The following TMEM209 variants were observed in gnomAD, a reference collection of about 807,000 sequenced individuals.
TMEM209 encodes testicular tissue protein Li 202.
In TMEM209, 65 loss-of-function variants were observed where a neutral mutation model predicts 76.2. The observed-to-expected ratio is 0.85, with a 90% CI of 0.70 to 1.05. TMEM209 has a LOEUF of 1.05. TMEM209 is among the 50% of genes least tolerant of loss of function. The probability of loss-of-function intolerance (pLI) is 0.00; values close to 1 mark genes in which losing one functional copy is unlikely to be tolerated. For missense variants in TMEM209, 623 were observed against 685.5 expected (o/e 0.91, Z 1.02); for synonymous variants, 239 against 237.6 (o/e 1.01, Z -0.06).
chr7:130,173,700 A>G lies in TMEM209; in HGVS notation c.1489T>C (p.Tyr497His), dbSNP rs1395038175. Residue 497 changes from tyrosine to histidine, a missense_variant, in exon 13 of 15, where the codon TAT (tyrosine) becomes CAT (histidine). Coordinates refer to ENST00000397622, the MANE Select transcript of TMEM209 (RefSeq NM_032842.4). ...TGGGGAGGGTTGATAGCACTCTGAT[A>G]AATGCAAAAAACATTCTCATTTGTA... Reference protein sequence around the residue: ...DVTNENVFCIYQSAINPPHYE... With the variant: ...DVTNENVFCIHQSAINPPHYE... 8.1e-6 allele frequency: 13 copies of G among 1,613,926 alleles called. No homozygotes were observed. The African/African-American group carries it at 9.3e-5, about 12-fold the overall frequency.
intron 6 of TMEM209, among the ~76,000 whole-genome samples, chr7:130,191,811 T>C (rs1797805747): frequency 6.6e-6 from 1 of 152,244 alleles, no homozygotes; most frequent in Non-Finnish European, 1.5e-5. Context: ...TATTATACTC[T>C]GTATTAAAGT....
intron 6 of TMEM209, 35 bp downstream of exon 6, chr7:130,192,587 A>G: frequency 1.3e-6 from 2 of 1,565,934 alleles, no homozygotes; most frequent in South Asian, 1.1e-5. Context: ...GACACCAAAA[A>G]TATGTATAGT....
intron 1 of TMEM209, 134 bp downstream of exon 1, chr7:130,205,239 C>G: frequency 6.2e-7 from 1 of 1,600,442 alleles, no homozygotes; most frequent in South Asian, 1.1e-5. Context: ...CTTCTTTCTT[C>G]CCTTCCCCTA....
At chr7:130,198,954 C>CTTGA (rs1798090897) in intron 5 of TMEM209, among the ~76,000 whole-genome samples, 1 of 152,094 alleles carries the variant, frequency 6.6e-6, no homozygotes, top group South Asian at 2.1e-4. Context: ...TTGTTGCCTA[C>CTTGA]TTTATCAGAC....
In TMEM209 at chr7:130,175,615, G is replaced by A; in HGVS notation, c.1247-6C>T. ...ACAACCTCCCTGAGATAGTTCTGTG[G>A]CAACAAGGTGAAATTTTTAAAAGCT... On this transcript the variant is annotated splice_region_variant and splice_polypyrimidine_tract_variant and intron_variant, in intron 10 of 14. Transcript: ENST00000397622. 1.9e-6 allele frequency: 3 copies of A among 1,606,156 alleles called. No homozygotes were observed. Among genetic ancestry groups the A allele is most frequent in the Non-Finnish European group, 2.5e-6 (3 of 1,176,522 alleles).
intron 8 of TMEM209, among the ~76,000 whole-genome samples, chr7:130,182,838 A>G (rs1343463096): frequency 6.6e-6 from 1 of 152,176 alleles, no homozygotes; most frequent in Non-Finnish European, 1.5e-5. Flanking sequence ...AAGGAAGCAA[A>G]TTTTGATATA....
intron 1 of TMEM209, chr7:130,204,862 G>A (rs188173073): frequency 3.6e-6 from 3 of 840,944 alleles, no homozygotes; most frequent in East Asian, 9.8e-5. Context: ...TCATGCAGAC[G>A]CCATTACTAT....
At chr7:130,198,367 T>C (rs1044931200) in intron 5 of TMEM209, among the ~76,000 whole-genome samples, 1 of 152,042 alleles carries the variant, frequency 6.6e-6, no homozygotes, top group African/African-American at 2.4e-5. Flanking sequence ...TCCCAGCACT[T>C]TGGGAGGCTG....
intron 10 of TMEM209, among the ~76,000 whole-genome samples, chr7:130,178,116 T>C (rs535269218): frequency 6.6e-6 from 1 of 152,130 alleles, no homozygotes; most frequent in African/African-American, 2.4e-5. Flanking sequence ...ATAGGAATTA[T>C]AAAAATTAAG....
intron 13 of TMEM209, among the ~76,000 whole-genome samples, chr7:130,172,443 C>T (rs1416258348): frequency 2.6e-5 from 4 of 151,898 alleles, no homozygotes; most frequent in Admixed American, 6.6e-5. Flanking sequence ...CCTGGGTTCA[C>T]GCCATTCTCC....
chr7:130,166,537 T>C (rs1180508216), intron 14 of TMEM209, 32 bp from the exon 15 acceptor site: 1 of 1,440,306 alleles, frequency 6.9e-7, no homozygotes, highest in Non-Finnish European at 9.3e-7. Context: ...TTATTAGAAT[T>C]GGTTGCCAAG....
chr7:130,198,243 A>AT (rs1798057875), intron 5 of TMEM209, among the ~76,000 whole-genome samples: 1 of 152,034 alleles, frequency 6.6e-6, no homozygotes, highest in Non-Finnish European at 1.5e-5. Context: ...TACACCTATC[A>AT]TTTTTTCTGT....
chr7:130,202,181 G>A, intron 4 of TMEM209, 90 bp from the exon 5 acceptor site: 2 of 1,456,798 alleles, frequency 1.4e-6, no homozygotes, highest in Non-Finnish European at 1.8e-6. Flanking sequence ...TTTCTCTTAA[G>A]GGAAAAAAGT....
intron 8 of TMEM209, among the ~76,000 whole-genome samples, chr7:130,183,722 G>T (rs1421412081): frequency 6.6e-6 from 1 of 152,136 alleles, no homozygotes; most frequent in Non-Finnish European, 1.5e-5. Flanking sequence ...GGAAAAGTTG[G>T]CCCAAGATTA....
chr7:130,174,660 C>T (rs1339240571), intron 11 of TMEM209, among the ~76,000 whole-genome samples: 1 of 152,054 alleles, frequency 6.6e-6, no homozygotes, highest in Non-Finnish European at 1.5e-5. Flanking sequence ...CTTGTAAGCA[C>T]ACAAAAACAT....
At chr7:130,169,743 T>C (rs756838903) in intron 14 of TMEM209, among the ~76,000 whole-genome samples, 24 of 152,126 alleles carry the variant, frequency 1.6e-4, no homozygotes, top group Non-Finnish European at 3.1e-4. Flanking sequence ...TCCCCCCTTT[T>C]TTTTTTGCTA....
chr7:130,172,872 G>T (rs537490905), intron 13 of TMEM209, among the ~76,000 whole-genome samples: 57 of 151,576 alleles, frequency 3.8e-4, no homozygotes, highest in Admixed American at 2.3e-3. Context: ...GGTGGCGGGT[G>T]CCTGTAATCC....
intron 8 of TMEM209, among the ~76,000 whole-genome samples, chr7:130,183,865 A>C (rs1797505975): frequency 6.6e-6 from 1 of 152,236 alleles, no homozygotes; most frequent in African/African-American, 2.4e-5. Flanking sequence ...TCACAATTCT[A>C]GGTAAATAAA....
In TMEM209 at chr7:130,177,007, G is replaced by A. The variant is rs1450724014; in HGVS notation, c.1246+1395C>T. On this transcript the variant is annotated intron_variant, in intron 10 of 14. Coordinates refer to ENST00000397622, the MANE Select transcript of TMEM209 (RefSeq NM_032842.4). ...GTGCCATTACTGCACTCCAGCCTGG[G>A]TGACAGAGCGAGCCGGGTCTCAAAA... is the stretch of plus-strand genomic sequence containing the variant. Among the ~76,000 whole-genome samples the A allele has an allele frequency of 3.4e-5, 5 of 145,560 alleles. No homozygotes were observed. The East Asian group carries it at 1.0e-3, about 29-fold the overall frequency.
Sources: allele counts gnomAD v4.1 joint callset (sites outside exome capture counted in the v4.1 genomes callset), GRCh38; gene constraint gnomAD v4.1.1; transcripts MANE v1.5; gene names NCBI Gene and HGNC (gene_info 2026-07-23, HGNC 2026-07-21).